The following DRD2 variants were observed in gnomAD, a reference collection of about 807,000 sequenced individuals.
DRD2 encodes the protein D(2) dopamine receptor.
In DRD2, 8 loss-of-function variants were observed where a neutral mutation model predicts 38.0. That is an observed-to-expected ratio of 0.21 (90% CI 0.12 to 0.38). The LOEUF is 0.38. Among genes scored for constraint, DRD2 ranks in the 10% least tolerant of loss-of-function variants. The pLI, the probability that DRD2 is intolerant of heterozygous loss-of-function variation, is 1.00. For synonymous variants in DRD2, 230 were observed against 238.6 expected (o/e 0.96, Z 0.33); for missense variants, 403 against 607.7 (o/e 0.66, Z 3.54).
At chr11:113,438,605 A>G (rs1951059808) in intron 1 of DRD2, among the ~76,000 whole-genome samples, 1 of 152,164 alleles carries the variant, frequency 6.6e-6, no homozygotes, top group Non-Finnish European at 1.5e-5. Flanking sequence ...CCTGAACTAA[A>G]AGCCCTAAAA....
chr11:113,448,610 A>G (rs1337572205), intron 1 of DRD2, among the ~76,000 whole-genome samples: 4 of 152,232 alleles, frequency 2.6e-5, no homozygotes. Context: ...AGGAAGACAG[A>G]GCCAGAGGGC....
Position 113,437,711 on chromosome 11 carries a change from G to C in DRD2, c.-31-13029C>G, listed in dbSNP as rs1338307834. On this transcript the variant is annotated intron_variant, in intron 1 of 7. Transcript: ENST00000362072. ...GTCTGGGTGGAGCCGAGGAGTGTGG[G>C]CAAGAGCTGGGGTCCCTCATCCTCT... is the stretch of plus-strand genomic sequence containing the variant. Among the ~76,000 whole-genome samples the C allele has an allele frequency of 4.6e-5, 7 of 152,166 alleles. No individual in the cohort carries two copies. In the East Asian group the frequency reaches 5.8e-4, roughly 13 times the overall value.
At chr11:113,423,873 G>A (rs1950909829) in intron 2 of DRD2, among the ~76,000 whole-genome samples, 1 of 152,200 alleles carries the variant, frequency 6.6e-6, no homozygotes. Flanking sequence ...TCTGAAGTGG[G>A]GAGATGGGAG....
chr11:113,465,688 G>T (rs1268230380), intron 1 of DRD2, among the ~76,000 whole-genome samples: 1 of 152,150 alleles, frequency 6.6e-6, no homozygotes, highest in African/African-American at 2.4e-5. Flanking sequence ...GAAAAACCCT[G>T]GGCAGAAGTG....
At chr11:113,450,258 A>G (rs1951198784) in intron 1 of DRD2, among the ~76,000 whole-genome samples, 1 of 152,114 alleles carries the variant, frequency 6.6e-6, no homozygotes, top group Admixed American at 6.5e-5. Context: ...TGCATCCTCT[A>G]CTCACACCAT....
chr11:113,412,253 T>C (rs1265300594), intron 7 of DRD2: 9 of 458,490 alleles, frequency 2.0e-5, no homozygotes, highest in African/African-American at 1.6e-4. Context: ...CATAGGCCCA[T>C]GAGGTTCTGG....
At chr11:113,465,580 C>G (rs1225144717) in intron 1 of DRD2, among the ~76,000 whole-genome samples, 1 of 152,198 alleles carries the variant, frequency 6.6e-6, no homozygotes, top group African/African-American at 2.4e-5. Context: ...CCTGCCTAAG[C>G]CTTTGGCCTT....
Position 113,475,351 on chromosome 11 carries a change from C to A in DRD2, c.-307G>T, listed in dbSNP as rs937150694. On this transcript the variant is annotated 5_prime_UTR_variant, in exon 1 of 8. Coordinates refer to ENST00000362072, the MANE Select transcript of DRD2 (RefSeq NM_000795.4). Reference sequence around the variant, plus strand: ...GGGCGGGCAGGAGGGAGCGCGGGGACGGGGCGGAGGCGGCGCGGTGCGCGC... The same window carrying A: ...GGGCGGGCAGGAGGGAGCGCGGGGAAGGGGCGGAGGCGGCGCGGTGCGCGC... 1.0e-4 allele frequency: 15 copies of A among 149,628 alleles called. No homozygotes were observed. Among genetic ancestry groups the A allele is most frequent in the African/African-American group, 3.4e-4 (14 of 41,066 alleles). 9.3% of individuals were successfully genotyped at this position (149,628 alleles called of 1,614,324 possible). A position where few individuals can be genotyped will look rare whatever the true frequency, so the allele number is the denominator to read the frequency against.
At chr11:113,421,492 G>A (rs188406695) in intron 2 of DRD2, among the ~76,000 whole-genome samples, 58 of 152,252 alleles carry the variant, frequency 3.8e-4, no homozygotes, top group African/African-American at 1.4e-3. Context: ...AAAGGGTTGT[G>A]AGGCTGACAT....
In DRD2 at chr11:113,415,573, C is replaced by G; in HGVS notation, c.571G>C (p.Val191Leu). 1.2e-6 allele frequency: 2 copies of G among 1,614,124 alleles called. No individual in the cohort carries two copies. Among genetic ancestry groups the G allele is most frequent in the Non-Finnish European group, 1.7e-6 (2 of 1,180,006 alleles). ...ECIIANPAFV[V>L]YSSIVSFYVP... is the part of the protein sequence containing the mutation. ...TAGAAGGAGACGATGGAGGAGTAGACCACGAAGGCCGGGTTGGCAATGATG... is the reference window on the plus strand; with the variant it reads ...TAGAAGGAGACGATGGAGGAGTAGAGCACGAAGGCCGGGTTGGCAATGATG... The change falls in exon 5 of 8, where the codon GTC (valine) becomes CTC (leucine). Residue 191 changes from valine to leucine, a missense_variant. By Grantham distance (32) the Val-to-Leu change is conservative. Coordinates refer to ENST00000362072, the MANE Select transcript of DRD2 (RefSeq NM_000795.4).
chr11:113,411,351 A>T (rs1446048936), intron 7 of DRD2, among the ~76,000 whole-genome samples: 1 of 152,196 alleles, frequency 6.6e-6, no homozygotes, highest in Non-Finnish European at 1.5e-5. Flanking sequence ...ACCCAAGGTC[A>T]TTCACTCTTG....
intron 6 of DRD2, among the ~76,000 whole-genome samples, chr11:113,413,142 C>T (rs1005442705): frequency 6.6e-6 from 1 of 152,204 alleles, no homozygotes; most frequent in Non-Finnish European, 1.5e-5. Context: ...GGGCTGAATA[C>T]CAGGGACTTG....
chr11:113,432,644 A>G (rs1351422882), intron 1 of DRD2, among the ~76,000 whole-genome samples: 4 of 152,086 alleles, frequency 2.6e-5, no homozygotes, highest in Admixed American at 2.6e-4. Context: ...AGCATTTTGT[A>G]TTTGCATCTC....
chr11:113,465,297 G>A (rs1951357730), intron 1 of DRD2, among the ~76,000 whole-genome samples: 1 of 152,158 alleles, frequency 6.6e-6, no homozygotes, highest in South Asian at 2.1e-4. Context: ...CTTTTGCCAT[G>A]TTGGCCAGGC....
chr11:113,444,228 G>A (rs964230882), intron 1 of DRD2, among the ~76,000 whole-genome samples: 1 of 152,110 alleles, frequency 6.6e-6, no homozygotes, highest in Non-Finnish European at 1.5e-5. Context: ...GTAGAGACAG[G>A]GTTTCACCAT....
intron 1 of DRD2, among the ~76,000 whole-genome samples, chr11:113,438,254 G>A (rs1008658160): frequency 2.0e-5 from 3 of 152,120 alleles, no homozygotes; most frequent in Non-Finnish European, 4.4e-5. Context: ...CTTGGTAGCA[G>A]TATGGCCTTG....
intron 1 of DRD2, among the ~76,000 whole-genome samples, chr11:113,425,128 G>A (rs1453494495): frequency 6.6e-6 from 1 of 152,110 alleles, no homozygotes; most frequent in Admixed American, 6.5e-5. Flanking sequence ...AAATATACAT[G>A]GTTCTGTAGC....
intron 1 of DRD2, among the ~76,000 whole-genome samples, chr11:113,439,353 C>T (rs1408212237): frequency 1.3e-5 from 2 of 152,134 alleles, no homozygotes; most frequent in Non-Finnish European, 2.9e-5. Context: ...ACGAGACTCC[C>T]TTCTTCGTGG....
In DRD2 at chr11:113,412,901, G is replaced by A; in HGVS notation, c.811-18C>T. On this transcript the variant is annotated intron_variant, in intron 6 of 7. Transcript: ENST00000362072. ...GCAGCCTCCTGCACCAGAGGCAGAG[G>A]GCTCTGGGTAAAGCCGGACAAGTTC... The A allele has an allele frequency of 6.2e-7, 1 of 1,607,016 alleles. No individual in the cohort carries two copies. The highest frequency in any genetic ancestry group is 8.5e-7 in the Non-Finnish European group (1 of 1,178,896).
Sources: allele counts gnomAD v4.1 joint callset (sites outside exome capture counted in the v4.1 genomes callset), GRCh38; gene constraint gnomAD v4.1.1; transcripts MANE v1.5; gene names NCBI Gene and HGNC (gene_info 2026-07-23, HGNC 2026-07-21).